Variants in DLGAP2 observed in about 807,000 individuals in gnomAD.
The protein encoded by DLGAP2 is disks large-associated protein 2.
DLGAP2 carries 26 observed loss-of-function variants against 100.3 expected under a neutral mutation model. The observed-to-expected ratio is 0.26, with a 90% confidence interval of 0.19 to 0.36. DLGAP2 has a LOEUF of 0.36. Ranked by LOEUF, DLGAP2 falls within the 10% of genes least tolerant of loss-of-function variation. The pLI is 1.00. For synonymous variants in DLGAP2, 886 were observed against 630.1 expected (o/e 1.41, Z -6.08); for missense variants, 1,858 against 1,453.2 (o/e 1.28, Z -4.53).
intron 2 of DLGAP2, among the ~76,000 whole-genome samples, chr8:1,132,864 T>A (rs1796325538): frequency 6.6e-6 from 1 of 152,214 alleles, no homozygotes; most frequent in South Asian, 2.1e-4. Context: ...GATCTTCTCA[T>A]TTGCAACTGG....
intron 4 of DLGAP2, among the ~76,000 whole-genome samples, chr8:1,524,230 G>A (rs982255184): frequency 6.6e-6 from 1 of 152,078 alleles, no homozygotes; most frequent in Non-Finnish European, 1.5e-5. Context: ...CTGAGAGGCC[G>A]GCAGGGAGGA....
intron 2 of DLGAP2, among the ~76,000 whole-genome samples, chr8:1,156,548 C>G (rs921916660): frequency 4.6e-5 from 7 of 151,778 alleles, no homozygotes; most frequent in African/African-American, 1.5e-4. Context: ...CCCCCAAATC[C>G]CGGCCACGCT....
intron 2 of DLGAP2, among the ~76,000 whole-genome samples, chr8:1,252,907 A>C (rs1799080904): frequency 6.6e-6 from 1 of 152,174 alleles, no homozygotes; most frequent in Admixed American, 6.5e-5. Context: ...TCACAGCTGG[A>C]GGGAGGCAGA....
At chr8:1,697,107 G>C in intron 13 of DLGAP2, 40 bp from the exon 14 acceptor site, 1 of 1,491,626 alleles carries the variant, frequency 6.7e-7, no homozygotes, top group Non-Finnish European at 8.9e-7. Flanking sequence ...GTGCCCGCAG[G>C]AGACTCTCCT....
chr8:998,087 G>A (rs866436388), intron 2 of DLGAP2, among the ~76,000 whole-genome samples: 13 of 151,904 alleles, frequency 8.6e-5, no homozygotes, highest in South Asian at 2.1e-4. Context: ...GCACACACCC[G>A]TGTCTGCACA....
At chr8:966,891 C>T (rs1799885211) in intron 2 of DLGAP2, among the ~76,000 whole-genome samples, 1 of 152,330 alleles carries the variant, frequency 6.6e-6, no homozygotes, top group South Asian at 2.1e-4. Context: ...CAAATTGATC[C>T]TGAGCTTATT....
chr8:1,008,070 A>C (rs1801172991), intron 2 of DLGAP2, among the ~76,000 whole-genome samples: 1 of 152,204 alleles, frequency 6.6e-6, no homozygotes, highest in Non-Finnish European at 1.5e-5. Flanking sequence ...AGGCTAGAAT[A>C]AGTTTTAAAG....
intron 6 of DLGAP2, among the ~76,000 whole-genome samples, chr8:1,601,874 G>A (rs1237674053): frequency 6.6e-6 from 1 of 151,856 alleles, no homozygotes; most frequent in African/African-American, 2.4e-5. Context: ...TGTTCAGTGA[G>A]ACATTTTTTT....
intron 3 of DLGAP2, among the ~76,000 whole-genome samples, chr8:1,452,619 A>G (rs1360135327): frequency 6.6e-6 from 1 of 152,156 alleles, no homozygotes; most frequent in Non-Finnish European, 1.5e-5. Flanking sequence ...GAGATGGAGA[A>G]TTCTGGAGGG....
intron 6 of DLGAP2, among the ~76,000 whole-genome samples, chr8:1,567,540 T>G (rs568715699): frequency 6.6e-6 from 1 of 152,342 alleles, no homozygotes; most frequent in African/African-American, 2.4e-5. Flanking sequence ...AACGGCGTTT[T>G]CCTGTTGACG....
chr8:902,411 G>A (rs1374386681), intron 1 of DLGAP2, among the ~76,000 whole-genome samples: 1 of 150,368 alleles, frequency 6.7e-6, no homozygotes, highest in African/African-American at 2.5e-5. Flanking sequence ...GAGTCACGGT[G>A]TGCAGTTCGT....
intron 6 of DLGAP2, chr8:1,620,375 T>C (rs2977211): frequency 0.28 from 42,191 of 152,112 alleles, 6,003 homozygotes; most frequent in East Asian, 0.49. Flanking sequence ...CCGCCTCACC[T>C]GAGAGGCCTC....
intron 6 of DLGAP2, among the ~76,000 whole-genome samples, chr8:1,614,325 C>G (rs1424086207): frequency 1.3e-5 from 2 of 152,206 alleles, no homozygotes. Flanking sequence ...TGAATCTCAC[C>G]TCAGAACTGA....
At chr8:977,649 T>G (rs1044073283) in intron 2 of DLGAP2, among the ~76,000 whole-genome samples, 32 of 152,260 alleles carry the variant, frequency 2.1e-4, no homozygotes, top group African/African-American at 7.2e-4. Context: ...TCCTTCTTTG[T>G]GAAATATAAT....
chr8:1,050,897 C>G (rs1458222411), intron 2 of DLGAP2, among the ~76,000 whole-genome samples: 2 of 150,772 alleles, frequency 1.3e-5, no homozygotes, highest in East Asian at 3.9e-4. Flanking sequence ...ACCTATGGGC[C>G]TTAGATCGAG....
At chr8:1,450,703 C>A (rs975956911) in intron 3 of DLGAP2, among the ~76,000 whole-genome samples, 8 of 152,076 alleles carry the variant, frequency 5.3e-5, no homozygotes, top group Non-Finnish European at 1.0e-4. Flanking sequence ...GTCCCCAGGG[C>A]CTTGGGATGA....
chr8:1,488,017 T>C (rs73672730), intron 3 of DLGAP2, among the ~76,000 whole-genome samples: 4,931 of 119,186 alleles, frequency 0.041, 242 homozygotes, highest in African/African-American at 0.12. Flanking sequence ...GAAAGGAGTT[T>C]CCATCATCGC....
chr8:1,267,148 C>T (rs7843668), intron 3 of DLGAP2, among the ~76,000 whole-genome samples: 2,428 of 151,764 alleles, frequency 0.016, 75 homozygotes, highest in African/African-American at 0.055. Flanking sequence ...AGGAGAATGG[C>T]GTGAACCAGG....
intron 2 of DLGAP2, among the ~76,000 whole-genome samples, chr8:1,066,940 C>T (rs1013185294): frequency 3.3e-5 from 5 of 152,192 alleles, no homozygotes; most frequent in African/African-American, 7.2e-5. Context: ...GCTTCCTGGT[C>T]GCAGCAGGCG....
Sources: allele counts gnomAD v4.1 joint callset (sites outside exome capture counted in the v4.1 genomes callset), GRCh38; gene constraint gnomAD v4.1.1; transcripts MANE v1.5; gene names NCBI Gene and HGNC (gene_info 2026-07-23, HGNC 2026-07-21).